PPP6R2: variants seen among roughly 807,000 people sequenced by gnomAD.
The protein encoded by PPP6R2 is protein phosphatase 6 regulatory subunit 2.
In PPP6R2, 62 loss-of-function variants were observed where a neutral mutation model predicts 100.2. That is an observed-to-expected ratio of 0.62 (90% CI 0.50 to 0.76). The LOEUF (loss-of-function observed/expected upper bound fraction) is 0.76, where lower values mean the gene tolerates loss of function less well. Ranked by LOEUF, PPP6R2 falls within the 30% of genes least tolerant of loss-of-function variation. The pLI is 0.00. For missense variants in PPP6R2, 1,142 were observed against 1,276.3 expected, an observed-to-expected ratio of 0.89 and a Z score of 1.60; for synonymous variants, 525 against 514.7, an observed-to-expected ratio of 1.02 and a Z score of -0.27.
intron 2 of PPP6R2, among the ~76,000 whole-genome samples, chr22:50,379,202 C>A (rs527547978): frequency 1.3e-5 from 2 of 152,146 alleles, no homozygotes; most frequent in South Asian, 2.1e-4. Flanking sequence ...AAATACAATT[C>A]TCAAGAATAG....
At position 50,347,950 on chromosome 22, in the gene PPP6R2, C is replaced by T. The variant is rs1455631957; in HGVS notation, c.-148+4400C>T. Among the ~76,000 whole-genome samples, 4 of 152,228 alleles carry T rather than the reference C, an allele frequency of 2.6e-5. No homozygotes were observed. In the East Asian group the frequency reaches 7.7e-4, roughly 29 times the overall value. ...CACAATAGGTGTATATATCTCTCCC[C>T]TTTGACTTTTCTAACTCACTTCAGT... On this transcript the variant is annotated intron_variant, in intron 1 of 23. Transcript: ENST00000612753.
intron 2 of PPP6R2, among the ~76,000 whole-genome samples, chr22:50,378,716 CA>C (rs1555995644): frequency 1.9e-3 from 156 of 82,212 alleles, no homozygotes; most frequent in Middle Eastern, 0.01. Context: ...CCCATCTCTA[CA>C]AAAAAAAAAA....
rs970234813 is a variant in PPP6R2, at chr22:50,383,987, G to GATC, written c.-16-9904_-16-9902dup. 5.8e-5 allele frequency among the ~76,000 whole-genome samples: 8 copies of GATC among 137,444 alleles called. No homozygotes were observed. In the Admixed American group the frequency reaches 6.8e-4, roughly 12 times the overall value. The allele number at this position is 137,444 out of a possible 152,430, so 90.2% of individuals were successfully genotyped here. On this transcript the variant is annotated intron_variant, in intron 2 of 23. Coordinates refer to ENST00000612753, the MANE Select transcript of PPP6R2 (RefSeq NM_001242898.2). The stretch of plus-strand genomic sequence containing the variant: ...GGAGATGGTGGTTGCGGTGAGCCAA[G>GATC]ATCACACCACTGCACTCCAGCCTGG...
rs578133784 is a variant in PPP6R2 at position 50,440,116 on chromosome 22, C to A, written c.2374+67C>A. ...TTAAGGCCTGAGGCCAGCTGGCCCC[C>A]CTCCTTGGGGGCAGTGGGAGGAGGT... On this transcript the variant is annotated intron_variant, in intron 21 of 23. Transcript: ENST00000612753. The A allele has an allele frequency of 2.3e-4, 328 of 1,436,492 alleles. 1 individual carries two copies. The African/African-American group carries it at 3.8e-3, about 16-fold the overall frequency. 89.0% of individuals were successfully genotyped at this position (1,436,492 alleles called of 1,614,324 possible).
chr22:50,371,437 A>G (rs2050182239), intron 1 of PPP6R2, among the ~76,000 whole-genome samples: 1 of 152,034 alleles, frequency 6.6e-6, no homozygotes, highest in Non-Finnish European at 1.5e-5. Context: ...TAGTAGTGGG[A>G]CTGGAGCTGT....
At chr22:50,433,007 C>T (rs564796763) in intron 12 of PPP6R2, among the ~76,000 whole-genome samples, 18 of 152,362 alleles carry the variant, frequency 1.2e-4, no homozygotes, top group Middle Eastern at 3.4e-3. Flanking sequence ...ACTTAGGCCA[C>T]GCCACGGCCT....
chr22:50,339,790 T>TATGGA (rs2042349757), upstream of PPP6R2, among the ~76,000 whole-genome samples: 2 of 105,530 alleles, frequency 1.9e-5, no homozygotes, highest in Non-Finnish European at 3.6e-5. Flanking sequence ...GTGTGTGTGG[T>TATGGA]GTGTGTGGGG....
Position 50,444,335 on chromosome 22 carries a change from T to A in PPP6R2, c.*88T>A, listed in dbSNP as rs900227933. ...CTGGTGATGCAATCTTTTTTTTTTT[T>A]AATTTAATTTAATTTTAAAATAAAT... is the stretch of plus-strand genomic sequence containing the variant. On this transcript the variant is annotated 3_prime_UTR_variant, in exon 24 of 24. Transcript: ENST00000612753. 121 of 1,191,798 alleles carry A rather than the reference T, an allele frequency of 1.0e-4. 1 individual carries two copies. Among genetic ancestry groups the A allele is most frequent in the African/African-American group, 6.0e-4 (37 of 61,656 alleles). 73.8% of individuals were successfully genotyped at this position (1,191,798 alleles called of 1,614,324 possible).
chr22:50,374,928 AAAAG>A (rs1434664186), intron 2 of PPP6R2, among the ~76,000 whole-genome samples: 18 of 151,386 alleles, frequency 1.2e-4, no homozygotes, highest in Non-Finnish European at 1.8e-4. Context: ...AAAAAAAAAA[AAAAG>A]AGAAAAAGAA....
chr22:50,404,998 A>G (rs2058627350), intron 3 of PPP6R2, among the ~76,000 whole-genome samples: 1 of 152,164 alleles, frequency 6.6e-6, no homozygotes, highest in Admixed American at 6.5e-5. Context: ...ACCAGTTACA[A>G]AAGAGGGAGC....
At chr22:50,353,207 A>G (rs1306976286) in intron 1 of PPP6R2, among the ~76,000 whole-genome samples, 1 of 152,230 alleles carries the variant, frequency 6.6e-6, no homozygotes, top group Non-Finnish European at 1.5e-5. Flanking sequence ...CAGGAGGGCT[A>G]GCTTTTGGCC....
In PPP6R2 at chr22:50,444,441, C is replaced by T; in HGVS notation, c.*194C>T. ...TTCTGCCTGAGTGGGCCTCTCAGGTCACTCGTGCCCTGCTGGAGGACAGAG... is the reference window on the plus strand; with the variant it reads ...TTCTGCCTGAGTGGGCCTCTCAGGTTACTCGTGCCCTGCTGGAGGACAGAG... On this transcript the variant is annotated 3_prime_UTR_variant, in exon 24 of 24. Transcript: ENST00000612753. The T allele has an allele frequency of 4.4e-6, 3 of 684,574 alleles. No individual in the cohort carries two copies. The highest frequency in any genetic ancestry group is 7.1e-6 in the Non-Finnish European group (3 of 424,448). 42.4% of individuals were successfully genotyped at this position (684,574 alleles called of 1,614,324 possible). A position where few individuals can be genotyped will look rare whatever the true frequency, so the allele number is the denominator to read the frequency against.
chr22:50,338,742 T>TGG (rs2042332818), upstream of PPP6R2, among the ~76,000 whole-genome samples: 1 of 111,732 alleles, frequency 8.9e-6, no homozygotes. Context: ...AGTGTGTGTG[T>TGG]TATGTGGTAT....
At chr22:50,429,408 G>A (rs1287869131) in intron 10 of PPP6R2, among the ~76,000 whole-genome samples, 1 of 152,116 alleles carries the variant, frequency 6.6e-6, no homozygotes, top group Non-Finnish European at 1.5e-5. Context: ...CTGTTAATGT[G>A]GTGTATTGAT....
intron 1 of PPP6R2, among the ~76,000 whole-genome samples, chr22:50,370,412 C>G (rs1052136149): frequency 6.6e-6 from 1 of 151,618 alleles, no homozygotes; most frequent in Non-Finnish European, 1.5e-5. Context: ...CTCAGCCTCC[C>G]GAGGAGATGG....
chr22:50,351,044 T>G lies in PPP6R2; in HGVS notation c.-148+7494T>G, dbSNP rs1426785337. Among the ~76,000 whole-genome samples the G allele has an allele frequency of 2.9e-4, 37 of 126,844 alleles. 2 individuals carry two copies. Among genetic ancestry groups the G allele is most frequent in the African/African-American group, 6.4e-4 (22 of 34,396 alleles). 83.2% of individuals were successfully genotyped at this position (126,844 alleles called of 152,430 possible). Reference sequence around the variant, plus strand: ...CAACAGTGTTTTTTTTTTTTTTTTTTTTTTTTTTTTTTTGAGACAGAGTTT... The same window carrying G: ...CAACAGTGTTTTTTTTTTTTTTTTTGTTTTTTTTTTTTTGAGACAGAGTTT... On this transcript the variant is annotated intron_variant, in intron 1 of 23. Transcript: ENST00000612753.
rs140526034 is a variant in PPP6R2, at chr22:50,407,308, C to T, written c.414+433C>T. 1,570 of 183,572 alleles carry T rather than the reference C, an allele frequency of 8.6e-3. 11 individuals carry two copies. The highest frequency in any genetic ancestry group is 0.013 in the Non-Finnish European group (1,123 of 85,936). The allele number at this position is 183,572 out of a possible 1,614,324, so 11.4% of individuals were successfully genotyped here. On this transcript the variant is annotated intron_variant, in intron 4 of 23. Transcript: ENST00000612753. ...GTTGCAGTGAGCTGAGATCGTACCACTGCACTCCAGCCTGGGCAACAGAGT... is the reference window on the plus strand; with the variant it reads ...GTTGCAGTGAGCTGAGATCGTACCATTGCACTCCAGCCTGGGCAACAGAGT...
chr22:50,358,385 A>G (rs1312676578), intron 1 of PPP6R2, among the ~76,000 whole-genome samples: 1 of 152,150 alleles, frequency 6.6e-6, no homozygotes, highest in African/African-American at 2.4e-5. Flanking sequence ...GTCTTAAGAA[A>G]ATTTTGCCTG....
chr22:50,356,413 A>T (rs543660263), intron 1 of PPP6R2, among the ~76,000 whole-genome samples: 1 of 149,060 alleles, frequency 6.7e-6, no homozygotes, highest in South Asian at 2.1e-4. Flanking sequence ...GGTAGTCATC[A>T]CACCTCAGCC....
Sources: gnomAD v4.1 joint callset for allele counts (sites outside exome capture counted in the v4.1 genomes callset) on GRCh38, gnomAD v4.1.1 for gene constraint, MANE v1.5 for transcripts, NCBI Gene and HGNC (gene_info 2026-07-23, HGNC 2026-07-21) for gene names.